DHRS7B: variants seen among roughly 807,000 people sequenced by gnomAD.
The protein encoded by DHRS7B is dehydrogenase/reductase 7B, also known as peroxisomal reductase activating PPAR-gamma.
DHRS7B carries 24 observed loss-of-function variants against 26.4 expected under a neutral mutation model. That is an observed-to-expected ratio of 0.91 (90% CI 0.66 to 1.28). DHRS7B has a LOEUF of 1.28. Ranked by LOEUF, DHRS7B falls within the 50% of genes most tolerant of loss-of-function variation. DHRS7B has a pLI of 0.00. For missense variants in DHRS7B, 368 were observed against 419.4 expected (o/e 0.88, Z 1.07); for synonymous variants, 142 against 166.4 (o/e 0.85, Z 1.13).
intron 1 of DHRS7B, among the ~76,000 whole-genome samples, chr17:21,138,474 C>T (rs1242782616): frequency 6.6e-6 from 1 of 151,916 alleles, no homozygotes; most frequent in Non-Finnish European, 1.5e-5. Flanking sequence ...CCACCTGCCT[C>T]TGCCTCCCAA....
At chr17:21,149,632 G>C (rs1047743121) in intron 1 of DHRS7B, among the ~76,000 whole-genome samples, 1 of 152,118 alleles carries the variant, frequency 6.6e-6, no homozygotes, top group African/African-American at 2.4e-5. Flanking sequence ...CGAGGATAAA[G>C]TGTAGAGGGA....
chr17:21,177,831 A>T (rs1463773743), intron 2 of DHRS7B, among the ~76,000 whole-genome samples: 1 of 152,222 alleles, frequency 6.6e-6, no homozygotes, highest in Non-Finnish European at 1.5e-5. Context: ...TAGTGCCACC[A>T]CACAGTCTTG....
intron 1 of DHRS7B, chr17:21,166,465 A>T: frequency 1.0e-6 from 1 of 984,670 alleles, no homozygotes; most frequent in South Asian, 4.7e-5. Context: ...GGTAGCTGCC[A>T]TCTGAGGTAG....
chr17:21,155,205 G>A (rs184471542), intron 1 of DHRS7B, among the ~76,000 whole-genome samples: 1 of 152,114 alleles, frequency 6.6e-6, no homozygotes, highest in Non-Finnish European at 1.5e-5. Flanking sequence ...GATTGTGAGA[G>A]TTTATCAAAG....
chr17:21,175,867 G>T lies in DHRS7B; in HGVS notation c.200-2366G>T, dbSNP rs540963775. Among the ~76,000 whole-genome samples, 205 of 150,292 alleles carry T rather than the reference G, an allele frequency of 1.4e-3. 1 individual carries two copies. Among genetic ancestry groups the T allele is most frequent in the Admixed American group, 2.7e-3 (40 of 15,048 alleles). ...CGCTTGAGCCTGGGAGGTTGAGGCT[G>T]CAGAGAGCCATGATGACACTACTGC... On this transcript the variant is annotated intron_variant, in intron 2 of 6. Coordinates refer to ENST00000395511, the MANE Select transcript of DHRS7B (RefSeq NM_015510.5).
intron 1 of DHRS7B, among the ~76,000 whole-genome samples, chr17:21,137,295 C>CTTTT (rs1194614460): frequency 1.8e-5 from 2 of 108,222 alleles, no homozygotes; most frequent in South Asian, 3.0e-4. Context: ...TCTTTTTTGT[C>CTTTT]TTTTTTTTTT....
intron 1 of DHRS7B, among the ~76,000 whole-genome samples, chr17:21,161,261 G>T (rs1204079853): frequency 6.6e-5 from 10 of 152,200 alleles, no homozygotes; most frequent in Non-Finnish European, 1.2e-4. Flanking sequence ...ACACCGGTGA[G>T]GGATGTGGAT....
Position 21,129,627 on chromosome 17 carries a change from C to G in DHRS7B, c.20+2636C>G, listed in dbSNP as rs1210677162. On this transcript the variant is annotated intron_variant, in intron 1 of 6. Transcript: ENST00000395511. The stretch of plus-strand genomic sequence containing the variant: ...GGCTGAGTCAGGAGGATCACTTGAG[C>G]CCAGGAGTTTGCGGCTACAGTAAAC... 2.0e-5 allele frequency among the ~76,000 whole-genome samples: 3 copies of G among 147,406 alleles called. No homozygotes were observed. In the Admixed American group the frequency reaches 2.1e-4, roughly 10 times the overall value.
At position 21,183,715 on chromosome 17, in the gene DHRS7B, G is replaced by C. The variant is rs1307931593; in HGVS notation, c.431G>C (p.Gly144Ala). The change falls in exon 4 of 7, where the codon GGG becomes GCG. Residue 144 changes from glycine to alanine, a missense_variant. Transcript: ENST00000395511. The part of the protein sequence containing the change: ...GYVDILVNNA[G>A]ISYRGTIMDT... ...GTCGACATACTTGTCAACAATGCTG[G>C]GATCAGCTACCGTGGTACCATCATG... The C allele has an allele frequency of 1.2e-6, 2 of 1,614,200 alleles. No individual in the cohort carries two copies. Among genetic ancestry groups the C allele is most frequent in the Non-Finnish European group, 1.7e-6 (2 of 1,180,054 alleles).
At chr17:21,162,816 A>T (rs141904881) in intron 1 of DHRS7B, among the ~76,000 whole-genome samples, 244 of 152,342 alleles carry the variant, frequency 1.6e-3, no homozygotes, top group African/African-American at 5.4e-3. Context: ...CTTATCAAAA[A>T]GTATTTAGCA....
intron 1 of DHRS7B, among the ~76,000 whole-genome samples, chr17:21,161,644 CTG>C (rs1400768789): frequency 6.6e-6 from 1 of 152,130 alleles, no homozygotes; most frequent in African/African-American, 2.4e-5. Flanking sequence ...AGACATGTAT[CTG>C]TGAAGAAAAG....
At chr17:21,177,241 A>G (rs1974400845) in intron 2 of DHRS7B, among the ~76,000 whole-genome samples, 1 of 152,116 alleles carries the variant, frequency 6.6e-6, no homozygotes, top group African/African-American at 2.4e-5. Context: ...GTGTGAGAGC[A>G]CCCAGGCACG....
chr17:21,148,810 G>A (rs1973697744), intron 1 of DHRS7B, among the ~76,000 whole-genome samples: 1 of 152,024 alleles, frequency 6.6e-6, no homozygotes, highest in Non-Finnish European at 1.5e-5. Flanking sequence ...CATGAAGATT[G>A]CCCATAAGAT....
In DHRS7B at chr17:21,172,002, G is replaced by T; in HGVS notation, c.21-16G>T. The T allele has an allele frequency of 6.2e-7, 1 of 1,614,192 alleles. No individual in the cohort carries two copies. Among genetic ancestry groups the T allele is most frequent in the Non-Finnish European group, 8.5e-7 (1 of 1,180,028 alleles). On this transcript the variant is annotated splice_polypyrimidine_tract_variant and intron_variant, in intron 1 of 6. Transcript: ENST00000395511. ...TGCTACTTTGTCACTGGTGTGTTTG[G>T]TTTTGGTTCTTCCAGGAAGAGTCTG... is the stretch of plus-strand genomic sequence containing the variant.
intron 2 of DHRS7B, among the ~76,000 whole-genome samples, chr17:21,174,693 T>C (rs951360734): frequency 6.6e-6 from 1 of 152,218 alleles, no homozygotes; most frequent in African/African-American, 2.4e-5. Context: ...ACTCCCACCT[T>C]TGAAGGGTTC....
intron 1 of DHRS7B, among the ~76,000 whole-genome samples, chr17:21,145,973 A>C (rs779603930): frequency 3.9e-5 from 6 of 152,228 alleles, no homozygotes; most frequent in Non-Finnish European, 7.3e-5. Flanking sequence ...GTTGGGCACA[A>C]GGAAGAATAA....
intron 1 of DHRS7B, among the ~76,000 whole-genome samples, chr17:21,132,527 T>C (rs1973256991): frequency 1.1e-5 from 1 of 90,310 alleles, no homozygotes; most frequent in African/African-American, 3.9e-5. Flanking sequence ...GGAGACCTTG[T>C]CTCAAAAAAA....
intron 1 of DHRS7B, among the ~76,000 whole-genome samples, chr17:21,135,395 G>T (rs1429108773): frequency 6.6e-6 from 1 of 152,134 alleles, no homozygotes; most frequent in Admixed American, 6.5e-5. Context: ...GTCAGAAAAA[G>T]ACATAATTTA....
chr17:21,151,428 G>T (rs911039865), intron 1 of DHRS7B, among the ~76,000 whole-genome samples: 23 of 151,246 alleles, frequency 1.5e-4, no homozygotes, highest in Non-Finnish European at 2.9e-5. Context: ...GCAGAGAATT[G>T]CTTGAACCTG....
Sources: allele counts gnomAD v4.1 joint callset (sites outside exome capture counted in the v4.1 genomes callset), GRCh38; gene constraint gnomAD v4.1.1; transcripts MANE v1.5; gene names NCBI Gene and HGNC (gene_info 2026-07-23, HGNC 2026-07-21).